PTPN13: variants seen among roughly 807,000 people sequenced by gnomAD.
PTPN13 encodes protein tyrosine phosphatase non-receptor type 13, also known as tyrosine-protein phosphatase non-receptor type 13.
Under a neutral mutation model 284.0 loss-of-function variants are expected in PTPN13, and 191 were observed. The observed-to-expected ratio is 0.67, with a 90% CI of 0.60 to 0.76. PTPN13 has a LOEUF of 0.76. Ranked by LOEUF, PTPN13 falls within the 30% of genes least tolerant of loss-of-function variation. The probability of loss-of-function intolerance (pLI) is 0.00; values close to 1 mark genes in which losing one functional copy is unlikely to be tolerated. For synonymous variants in PTPN13, 986 were observed against 1,022.3 expected (o/e 0.96, Z 0.68); for missense variants, 2,797 against 2,939.9 (o/e 0.95, Z 1.12).
chr4:86,645,880 A>T (rs1724367985), intron 2 of PTPN13, among the ~76,000 whole-genome samples: 1 of 152,194 alleles, frequency 6.6e-6, no homozygotes, highest in African/African-American at 2.4e-5. Flanking sequence ...AGCCAAAACA[A>T]CTTTGAAAAA....
Position 86,701,529 on chromosome 4 carries a change from C to G in PTPN13, c.923C>G (p.Thr308Arg), listed in dbSNP as rs948576214. The G allele has an allele frequency of 6.2e-7, 1 of 1,613,970 alleles. No individual in the cohort carries two copies. The highest frequency in any genetic ancestry group is 2.2e-5 in the East Asian group (1 of 44,890). ...GCTTCATCCATGGACTTGCTTTGTA[C>G]AGCTGACAGAGACTTCTCTTCAGGA... Reference protein sequence around the residue: ...IWASSMDLLCTADRDFSSGET... With the variant: ...IWASSMDLLCRADRDFSSGET... Residue 308 changes from threonine to arginine, a missense_variant, in exon 7 of 48, where the codon ACA becomes AGA. By Grantham distance (71) the Thr-to-Arg change is moderately conservative. Transcript: ENST00000411767.
chr4:86,775,691 G>A (rs1740557225), intron 35 of PTPN13, 39 bp downstream of exon 35: 6 of 1,464,562 alleles, frequency 4.1e-6, no homozygotes, highest in South Asian at 2.4e-5. Flanking sequence ...TTGTGCGTGT[G>A]TGTGCATTTC....
chr4:86,631,500 C>T (rs1201810784), intron 1 of PTPN13, among the ~76,000 whole-genome samples: 1 of 151,948 alleles, frequency 6.6e-6, no homozygotes, highest in African/African-American at 2.4e-5. Flanking sequence ...TAGAATGAGG[C>T]AGTTTTAAAA....
At chr4:86,801,883 G>A (rs923611906) in intron 42 of PTPN13, among the ~76,000 whole-genome samples, 2 of 152,052 alleles carry the variant, frequency 1.3e-5, no homozygotes, top group Non-Finnish European at 2.9e-5. Context: ...GAATTTATAT[G>A]TTTTACTTAT....
intron 28 of PTPN13, among the ~76,000 whole-genome samples, chr4:86,769,180 C>T (rs1025452699): frequency 6.6e-6 from 1 of 152,160 alleles, no homozygotes; most frequent in African/African-American, 2.4e-5. Flanking sequence ...TACACCTCCC[C>T]AGAACATTAC....
intron 10 of PTPN13, among the ~76,000 whole-genome samples, chr4:86,730,758 C>G (rs989802261): frequency 1.5e-5 from 2 of 129,704 alleles, no homozygotes; most frequent in African/African-American, 2.6e-5. Context: ...CCTTGGGCTT[C>G]CTGGGTGAGG....
chr4:86,664,500 T>G (rs890385000), intron 2 of PTPN13, among the ~76,000 whole-genome samples: 1 of 152,308 alleles, frequency 6.6e-6, no homozygotes, highest in South Asian at 2.1e-4. Context: ...GTATAGATTT[T>G]AAATGGGAAA....
rs371748270 is a variant in PTPN13, at chr4:86,796,890, G to T, written c.6362G>T (p.Gly2121Val). Residue 2121 changes from glycine (G) to valine (V), a missense_variant, in exon 41 of 48, where the codon GGC (glycine) becomes GTC (valine). Physicochemically the swap from Gly to Val is moderately radical, Grantham distance 109 (BLOSUM62 -3). Coordinates refer to ENST00000411767, the MANE Select transcript of PTPN13 (RefSeq NM_080683.3). The part of the protein sequence containing the change: ...EYFTEATKMN[G>V]CEEYCEEKVK... ...TTATTGTAGGCCACCAAAATGAATG[G>T]CTGTGAAGAATATTGTGAAGAAAAA... 1.7e-5 allele frequency: 25 copies of T among 1,489,344 alleles called. No individual in the cohort carries two copies. Among genetic ancestry groups the T allele is most frequent in the African/African-American group, 2.8e-5 (2 of 71,990 alleles). 92.3% of individuals were successfully genotyped at this position (1,489,344 alleles called of 1,614,324 possible). A position where few individuals can be genotyped will look rare whatever the true frequency, so the allele number is the denominator to read the frequency against.
intron 1 of PTPN13, among the ~76,000 whole-genome samples, chr4:86,633,792 T>C (rs1046414084): frequency 1.3e-5 from 2 of 152,228 alleles, no homozygotes; most frequent in African/African-American, 2.4e-5. Flanking sequence ...GGAATGAAGC[T>C]TCTACTTTTT....
intron 1 of PTPN13, among the ~76,000 whole-genome samples, chr4:86,610,527 A>G (rs1036366138): frequency 6.6e-6 from 1 of 152,272 alleles, no homozygotes; most frequent in Non-Finnish European, 1.5e-5. Context: ...GAGGAAGACA[A>G]TAATGAGTGA....
rs372898929 is a variant in PTPN13 at position 86,703,427 on chromosome 4, T to G, written c.1195+1626T>G. ...TGGAAACAATTATATAAAGAAATCT[T>G]GTCCATTGTGAAAAAAAAAAAACCT... On this transcript the variant is annotated intron_variant, in intron 7 of 47. Coordinates refer to ENST00000411767, the MANE Select transcript of PTPN13 (RefSeq NM_080683.3). 5.3e-5 allele frequency among the ~76,000 whole-genome samples: 8 copies of G among 151,266 alleles called. No homozygotes were observed. The East Asian group carries it at 1.5e-3, about 29-fold the overall frequency.
At chr4:86,647,354 T>A (rs1339987321) in intron 2 of PTPN13, among the ~76,000 whole-genome samples, 1 of 152,158 alleles carries the variant, frequency 6.6e-6, no homozygotes, top group East Asian at 1.9e-4. Context: ...AAGAAAAATG[T>A]TTTTCAGTCA....
intron 2 of PTPN13, among the ~76,000 whole-genome samples, chr4:86,656,608 G>T (rs964548992): frequency 6.6e-6 from 1 of 152,150 alleles, no homozygotes; most frequent in African/African-American, 2.4e-5. Flanking sequence ...AGGAGTACCC[G>T]GCTGTGTGAG....
intron 20 of PTPN13, among the ~76,000 whole-genome samples, chr4:86,756,297 G>C (rs1737961213): frequency 6.6e-6 from 1 of 151,704 alleles, no homozygotes; most frequent in South Asian, 2.1e-4. Context: ...TATGGGTTTT[G>C]TTCTGTGTTG....
intron 6 of PTPN13, among the ~76,000 whole-genome samples, chr4:86,695,348 C>T (rs1730487447): frequency 6.6e-6 from 1 of 151,894 alleles, no homozygotes; most frequent in Non-Finnish European, 1.5e-5. Flanking sequence ...CTTATGTCCC[C>T]ATACTGTACT....
rs767325732 is a variant in PTPN13 at position 86,722,250 on chromosome 4, A to G, written c.1424A>G (p.Asn475Ser). 6 of 1,613,816 alleles carry G rather than the reference A, an allele frequency of 3.7e-6. No individual in the cohort carries two copies. Among genetic ancestry groups the G allele is most frequent in the Non-Finnish European group, 5.1e-6 (6 of 1,179,812 alleles). The change falls in exon 10 of 48, where the codon AAT becomes AGT. Residue 475 changes from asparagine (N) to serine (S), a missense_variant. Coordinates refer to ENST00000411767, the MANE Select transcript of PTPN13 (RefSeq NM_080683.3). ...ACACCCTTTGAAGGCAACTTAATTA[A>G]TCAAGAGATCATGCTAAAACGGCAA... ...YETPFEGNLI[N>S]QEIMLKRQEE...
At chr4:86,724,033 C>A (rs1733962438) in intron 10 of PTPN13, among the ~76,000 whole-genome samples, 1 of 152,232 alleles carries the variant, frequency 6.6e-6, no homozygotes, top group East Asian at 1.9e-4. Context: ...CATTGAACTA[C>A]AAATTGGAAG....
chr4:86,786,709 A>G (rs955251394), intron 40 of PTPN13, among the ~76,000 whole-genome samples: 1 of 152,168 alleles, frequency 6.6e-6, no homozygotes, highest in Non-Finnish European at 1.5e-5. Context: ...ACTTTATCAC[A>G]TTTTTATTAA....
intron 7 of PTPN13, among the ~76,000 whole-genome samples, chr4:86,709,790 A>C (rs1732175104): frequency 6.6e-6 from 1 of 152,192 alleles, no homozygotes. Flanking sequence ...TATATCACAC[A>C]AGACCCCCAT....
Sources: allele counts gnomAD v4.1 joint callset (sites outside exome capture counted in the v4.1 genomes callset), GRCh38; gene constraint gnomAD v4.1.1; transcripts MANE v1.5; gene names NCBI Gene and HGNC (gene_info 2026-07-23, HGNC 2026-07-21).